Variants in CTNNA3 observed in about 807,000 individuals in gnomAD.
The protein encoded by CTNNA3 is catenin alpha-3.
Under a neutral mutation model 95.7 loss-of-function variants are expected in CTNNA3, and 76 were observed. The observed-to-expected ratio is 0.79, with a 90% CI of 0.66 to 0.96. The LOEUF is 0.96. Ranked by LOEUF, CTNNA3 falls within the 40% of genes least tolerant of loss-of-function variation. CTNNA3 has a pLI of 0.00. For synonymous variants in CTNNA3, 431 were observed against 374.4 expected, an observed-to-expected ratio of 1.15 and a Z score of -1.74; for missense variants, 1,191 against 1,089.8, an observed-to-expected ratio of 1.09 and a Z score of -1.31.
chr10:66,116,817 A>T (rs988241522), intron 13 of CTNNA3, among the ~76,000 whole-genome samples: 3 of 152,118 alleles, frequency 2.0e-5, no homozygotes, highest in Non-Finnish European at 4.4e-5. Context: ...CTTCACATGG[A>T]GCAGGAGAGA....
rs560324224 is a variant in CTNNA3, at chr10:66,550,064, A to C, written c.1375-29291T>G. 5.3e-5 allele frequency among the ~76,000 whole-genome samples: 8 copies of C among 152,238 alleles called. No individual in the cohort carries two copies. The East Asian group carries it at 1.2e-3, about 22-fold the overall frequency. Reference sequence around the variant, plus strand: ...GGTGTTAAATTTACTACAATTATGAAATTGTCTATCTCTTAAATTCTATCA... The same window carrying C: ...GGTGTTAAATTTACTACAATTATGACATTGTCTATCTCTTAAATTCTATCA... On this transcript the variant is annotated intron_variant, in intron 10 of 17. Transcript: ENST00000433211.
intron 5 of CTNNA3, among the ~76,000 whole-genome samples, chr10:67,463,390 G>T (rs965515240): frequency 1.1e-4 from 16 of 152,232 alleles, no homozygotes; most frequent in African/African-American, 3.6e-4. Context: ...TCATTTGCTT[G>T]ATGTCTAGAC....
At chr10:66,739,341 C>G (rs1458565983) in intron 9 of CTNNA3, among the ~76,000 whole-genome samples, 1 of 152,078 alleles carries the variant, frequency 6.6e-6, no homozygotes, top group Non-Finnish European at 1.5e-5. Context: ...CCAACAAGTC[C>G]CAGGTGATGC....
intron 7 of CTNNA3, among the ~76,000 whole-genome samples, chr10:66,996,657 A>AAAAAAAAC: frequency 6.7e-6 from 1 of 150,328 alleles, no homozygotes; most frequent in African/African-American, 2.4e-5. Flanking sequence ...TACAAAAAAA[A>AAAAAAAAC]AAAAAAAAAA....
intron 7 of CTNNA3, among the ~76,000 whole-genome samples, chr10:66,855,279 C>G (rs1843645369): frequency 6.6e-6 from 1 of 151,900 alleles, no homozygotes. Flanking sequence ...GGCTTTACCA[C>G]AGAACAATTA....
chr10:66,209,452 A>G (rs567770293), intron 13 of CTNNA3, among the ~76,000 whole-genome samples: 1 of 152,290 alleles, frequency 6.6e-6, no homozygotes, highest in South Asian at 2.1e-4. Flanking sequence ...GACATTTGGA[A>G]AAGAGTTGAA....
intron 7 of CTNNA3, among the ~76,000 whole-genome samples, chr10:67,077,343 C>T (rs569323128): frequency 9.9e-5 from 15 of 152,264 alleles, no homozygotes; most frequent in Admixed American, 8.5e-4. Flanking sequence ...AAGTCTAAAT[C>T]CTTCAAAATC....
At chr10:67,638,344 C>T (rs1839399261) in intron 2 of CTNNA3, among the ~76,000 whole-genome samples, 1 of 152,128 alleles carries the variant, frequency 6.6e-6, no homozygotes, top group South Asian at 2.1e-4. Flanking sequence ...TACAGGAGCA[C>T]CCAGATTCAT....
At chr10:67,103,112 T>G (rs968815948) in intron 7 of CTNNA3, among the ~76,000 whole-genome samples, 8 of 151,830 alleles carry the variant, frequency 5.3e-5, no homozygotes, top group Non-Finnish European at 8.9e-5. Flanking sequence ...AAATATGCAT[T>G]AAGACATGAC....
chr10:67,353,737 A>G (rs1339675689), intron 5 of CTNNA3, among the ~76,000 whole-genome samples: 1 of 152,012 alleles, frequency 6.6e-6, no homozygotes, highest in Non-Finnish European at 1.5e-5. Context: ...CATCAAGGAC[A>G]GTGCACAGAA....
At position 65,956,483 on chromosome 10, in the gene CTNNA3, G is replaced by A. The variant is rs200829079; in HGVS notation, c.2400+10129C>T. Among the ~76,000 whole-genome samples the A allele has an allele frequency of 2.8e-4, 43 of 152,150 alleles. No homozygotes were observed. In the East Asian group the frequency reaches 8.3e-3, roughly 29 times the overall value. On this transcript the variant is annotated intron_variant, in intron 17 of 17. Transcript: ENST00000433211. Reference sequence around the variant, plus strand: ...TAGTTCTTTTAATTGTGATGTTAGGGTGTCAATTTTAGATCTTTCCTGCTT... The same window carrying A: ...TAGTTCTTTTAATTGTGATGTTAGGATGTCAATTTTAGATCTTTCCTGCTT...
At chr10:66,443,215 G>A (rs1323256659) in intron 11 of CTNNA3, among the ~76,000 whole-genome samples, 1 of 152,164 alleles carries the variant, frequency 6.6e-6, no homozygotes, top group Non-Finnish European at 1.5e-5. Context: ...GCCTCTGTAG[G>A]CTCCACCTCT....
chr10:67,463,711 G>T (rs953717473), intron 5 of CTNNA3, among the ~76,000 whole-genome samples: 40 of 152,106 alleles, frequency 2.6e-4, no homozygotes, highest in African/African-American at 8.9e-4. Context: ...TCAGACAGGG[G>T]TTAGTAAATT....
intron 7 of CTNNA3, among the ~76,000 whole-genome samples, chr10:66,978,552 A>ATATATATATAT (rs1197845049): frequency 4.0e-4 from 15 of 37,876 alleles, no homozygotes; most frequent in Admixed American, 9.7e-4. Context: ...AAAAAAAAAA[A>ATATATATATAT]ATATATATAT....
intron 11 of CTNNA3, among the ~76,000 whole-genome samples, chr10:66,425,233 T>A (rs1466722158): frequency 6.6e-6 from 1 of 151,948 alleles, no homozygotes; most frequent in Admixed American, 6.6e-5. Flanking sequence ...TTAAAAGATA[T>A]TTTCCTATAA....
At chr10:67,199,401 G>A (rs1474168749) in intron 6 of CTNNA3, among the ~76,000 whole-genome samples, 16 of 151,596 alleles carry the variant, frequency 1.1e-4, no homozygotes, top group African/African-American at 3.2e-4. Context: ...ATGGAGTTTC[G>A]CTCTGTTGCC....
chr10:67,420,621 G>C (rs933924144), intron 5 of CTNNA3, among the ~76,000 whole-genome samples: 1 of 152,156 alleles, frequency 6.6e-6, no homozygotes, highest in African/African-American at 2.4e-5. Flanking sequence ...TACTACATGA[G>C]TTAGCTCACA....
intron 7 of CTNNA3, among the ~76,000 whole-genome samples, chr10:67,056,585 C>T (rs1455771203): frequency 6.6e-6 from 1 of 152,130 alleles, no homozygotes; most frequent in African/African-American, 2.4e-5. Flanking sequence ...CACTCACAAA[C>T]TTTCTAAAAT....
chr10:66,640,016 A>C (rs1845463043), intron 9 of CTNNA3, among the ~76,000 whole-genome samples: 1 of 152,080 alleles, frequency 6.6e-6, no homozygotes, highest in South Asian at 2.1e-4. Flanking sequence ...ATTTTACTTT[A>C]AGTGTTCAGA....
Sources: allele counts gnomAD v4.1 joint callset (sites outside exome capture counted in the v4.1 genomes callset), GRCh38; gene constraint gnomAD v4.1.1; transcripts MANE v1.5; gene names NCBI Gene and HGNC (gene_info 2026-07-23, HGNC 2026-07-21).